ABL2: variants seen among roughly 807,000 people sequenced by gnomAD.
ABL2 encodes ABL proto-oncogene 2, non-receptor tyrosine kinase.
Under a neutral mutation model 107.7 loss-of-function variants are expected in ABL2, and 49 were observed. The ratio of observed to expected loss-of-function variants is 0.45; its 90% CI spans 0.36 to 0.58. The LOEUF (loss-of-function observed/expected upper bound fraction) is 0.58, where lower values mean the gene tolerates loss of function less well. Ranked by LOEUF, ABL2 falls within the 20% of genes least tolerant of loss-of-function variation. ABL2 has a pLI of 0.00. For synonymous variants in ABL2, 549 were observed against 548.6 expected, an observed-to-expected ratio of 1.00 and a Z score of -0.01; for missense variants, 1,245 against 1,457.0, an observed-to-expected ratio of 0.85 and a Z score of 2.37.
chr1:179,182,919 A>G (rs975617838), intron 1 of ABL2, among the ~76,000 whole-genome samples: 3 of 152,174 alleles, frequency 2.0e-5, no homozygotes, highest in African/African-American at 7.2e-5. Flanking sequence ...ATTTTAGGAT[A>G]TCAGCATTTT....
chr1:179,150,141 G>A (rs1279862325), intron 1 of ABL2, among the ~76,000 whole-genome samples: 3 of 152,104 alleles, frequency 2.0e-5, no homozygotes, highest in African/African-American at 7.2e-5. Flanking sequence ...TAGGGAGGCT[G>A]AGGTGGATCA....
rs2124889093 is a variant in ABL2, at chr1:179,229,341, G to A, written c.57C>T (p.Pro19=). Residue 19 remains proline (P), a synonymous_variant, in exon 1 of 12, where the codon CCC becomes CCT. Coordinates refer to ENST00000502732, the MANE Select transcript of ABL2 (RefSeq NM_007314.4). ...GEAPGLQQPQ[P]RGIRGSSAAR... is the part of the protein sequence containing the mutation. ...CTGCACTGCTGCCCCGGATCCCGCGGGGCTGAGGCTGCTGGAGCCCCGGAG... is the reference window on the plus strand; with the variant it reads ...CTGCACTGCTGCCCCGGATCCCGCGAGGCTGAGGCTGCTGGAGCCCCGGAG... The A allele has an allele frequency of 6.3e-7, 1 of 1,584,100 alleles. No homozygotes were observed. The highest frequency in any genetic ancestry group is 8.6e-7 in the Non-Finnish European group (1 of 1,168,384).
chr1:179,176,699 A>ATTTTTTTTTTTT (rs1553229037), intron 1 of ABL2, among the ~76,000 whole-genome samples: 7 of 25,270 alleles, frequency 2.8e-4, no homozygotes, highest in Non-Finnish European at 1.8e-4. Context: ...GTTGTTACAT[A>ATTTTTTTTTTTT]TTCTTTTTTT....
chr1:179,114,759 A>T, intron 9 of ABL2, 119 bp downstream of exon 9: 1 of 1,053,098 alleles, frequency 9.5e-7, no homozygotes, highest in Non-Finnish European at 1.3e-6. Context: ...TAAACTCTTT[A>T]AATGTCATGA....
chr1:179,129,783 C>T (rs1000226690), intron 3 of ABL2, among the ~76,000 whole-genome samples: 13 of 151,808 alleles, frequency 8.6e-5, no homozygotes, highest in African/African-American at 1.7e-4. Context: ...ACATACATAA[C>T]ATGTATCATC....
intron 1 of ABL2, among the ~76,000 whole-genome samples, chr1:179,195,020 G>A (rs1661224914): frequency 6.6e-6 from 1 of 152,170 alleles, no homozygotes; most frequent in Non-Finnish European, 1.5e-5. Flanking sequence ...AGGCATGGTG[G>A]CTCACGCCTG....
chr1:179,166,351 A>G (rs145228494), intron 1 of ABL2, among the ~76,000 whole-genome samples: 12 of 151,918 alleles, frequency 7.9e-5, no homozygotes, highest in African/African-American at 2.7e-4. Context: ...TTCATCTTAT[A>G]AGGAACTAAT....
chr1:179,210,461 G>T (rs1662202221), intron 1 of ABL2, among the ~76,000 whole-genome samples: 1 of 129,514 alleles, frequency 7.7e-6, no homozygotes. Context: ...CTGAGATCAT[G>T]CCACTTGCAC....
chr1:179,164,268 TAA>T (rs1659253780), intron 1 of ABL2, among the ~76,000 whole-genome samples: 2 of 152,300 alleles, frequency 1.3e-5, no homozygotes, highest in East Asian at 1.9e-4. Flanking sequence ...ATGTAAATAA[TAA>T]AAAGTCATGC....
At chr1:179,202,054 C>T in intron 1 of ABL2, 1 of 307,858 alleles carries the variant, frequency 3.2e-6, no homozygotes, top group Non-Finnish European at 5.1e-6. Context: ...ATAAATGTCA[C>T]TTTTTGAGGC....
At position 179,169,472 on chromosome 1, in the gene ABL2, C is replaced by T. The variant is rs546449404; in HGVS notation, c.158-36098G>A. 6.6e-5 allele frequency among the ~76,000 whole-genome samples: 10 copies of T among 151,524 alleles called. No homozygotes were observed. The South Asian group carries it at 1.3e-3, about 19-fold the overall frequency. ...CTGAGGCAGGAGAATAGCATGAACCCGGGAGGCAGAGCTTGCAGTGAGCCA... is the reference window on the plus strand; with the variant it reads ...CTGAGGCAGGAGAATAGCATGAACCTGGGAGGCAGAGCTTGCAGTGAGCCA... On this transcript the variant is annotated intron_variant, in intron 1 of 11. Coordinates refer to ENST00000502732, the MANE Select transcript of ABL2 (RefSeq NM_007314.4).
Position 179,106,442 on chromosome 1 carries a change from G to T in ABL2, c.*1276C>A, listed in dbSNP as rs1653475954. ...GAAGTGAAATGACAAAATAAATAAA[G>T]AATATTCCCAATAAGATCTGTACAA... On this transcript the variant is annotated 3_prime_UTR_variant, in exon 12 of 12. Coordinates refer to ENST00000502732, the MANE Select transcript of ABL2 (RefSeq NM_007314.4). The T allele has an allele frequency of 8.6e-6, 2 of 232,652 alleles. No individual in the cohort carries two copies. The highest frequency in any genetic ancestry group is 1.2e-4 in the East Asian group (2 of 16,488). 14.4% of individuals were successfully genotyped at this position (232,652 alleles called of 1,614,324 possible).
chr1:179,129,681 C>CA (rs1355294639), intron 3 of ABL2, among the ~76,000 whole-genome samples: 3,626 of 67,688 alleles, frequency 0.054, 68 homozygotes, highest in Middle Eastern at 0.12. Context: ...GACTCTGTCT[C>CA]AAAAAAAAAA....
intron 1 of ABL2, among the ~76,000 whole-genome samples, chr1:179,170,986 G>A (rs1659685654): frequency 6.6e-6 from 1 of 152,140 alleles, no homozygotes; most frequent in African/African-American, 2.4e-5. Context: ...TTACAGGCGT[G>A]AGCCACCTCA....
chr1:179,226,472 C>T (rs1355466167), intron 1 of ABL2, among the ~76,000 whole-genome samples: 3 of 151,996 alleles, frequency 2.0e-5, no homozygotes, highest in Non-Finnish European at 2.9e-5. Context: ...CCATGCCCAG[C>T]TAATTTTTCT....
chr1:179,213,191 T>A (rs1378928477), intron 1 of ABL2, among the ~76,000 whole-genome samples: 1 of 152,106 alleles, frequency 6.6e-6, no homozygotes, highest in Non-Finnish European at 1.5e-5. Flanking sequence ...GTAATCAATA[T>A]AAAAAAATTA....
In ABL2 at chr1:179,108,451, A is replaced by T. The variant is rs201190336; in HGVS notation, c.2816T>A (p.Leu939Gln). The T allele has an allele frequency of 1.2e-6, 2 of 1,614,222 alleles. No homozygotes were observed. The highest frequency in any genetic ancestry group is 4.5e-5 in the East Asian group (2 of 44,882). ...CTGCACGTCAGCTGGAGTGTGTTTC[A>T]GAGTGGGTGAGATAAGGACTGGCAC... is the stretch of plus-strand genomic sequence containing the variant. The part of the protein sequence containing the change: ...HKVPVLISPT[L>Q]KHTPADVQLI... Residue 939 changes from leucine (L) to glutamine (Q), a missense_variant, in exon 12 of 12, where the codon CTG (leucine) becomes CAG (glutamine). This residue lies in a region of ABL2 where 761 missense variants were observed against 766.4 expected (regional missense o/e 0.99). Coordinates refer to ENST00000502732, the MANE Select transcript of ABL2 (RefSeq NM_007314.4).
At chr1:179,112,124 T>C (rs1022123162) in intron 10 of ABL2, among the ~76,000 whole-genome samples, 185 bp downstream of exon 10, 3 of 152,000 alleles carry the variant, frequency 2.0e-5, no homozygotes, top group African/African-American at 7.3e-5. Context: ...CCACTAGATA[T>C]ATAAGTTGTT....
At chr1:179,134,097 T>C (rs1461641023) in intron 1 of ABL2, among the ~76,000 whole-genome samples, 1 of 152,248 alleles carries the variant, frequency 6.6e-6, no homozygotes, top group Non-Finnish European at 1.5e-5. Context: ...CATCATAACA[T>C]GTTCCTTGTA....
Sources: allele counts gnomAD v4.1 joint callset (sites outside exome capture counted in the v4.1 genomes callset), GRCh38; gene constraint gnomAD v4.1.1; regional missense constraint gnomAD v4.1.1; transcripts MANE v1.5; gene names NCBI Gene and HGNC (gene_info 2026-07-23, HGNC 2026-07-21).